Variants in NT5M observed in about 807,000 individuals in gnomAD.
NT5M encodes 5'(3')-deoxyribonucleotidase, mitochondrial.
Under a neutral mutation model 22.2 loss-of-function variants are expected in NT5M, and 22 were observed. The ratio of observed to expected loss-of-function variants is 0.99; its 90% CI spans 0.71 to 1.41. The LOEUF is 1.41. NT5M is among the 40% of genes most tolerant of loss of function. The pLI is 0.00. For missense variants in NT5M, 322 were observed against 314.8 expected (o/e 1.02, Z -0.17); for synonymous variants, 167 against 133.0 (o/e 1.26, Z -1.76).
intron 3 of NT5M, among the ~76,000 whole-genome samples, chr17:17,337,677 A>G (rs1176821154): frequency 1.3e-5 from 2 of 152,214 alleles, no homozygotes. Context: ...GGTGTGAGCC[A>G]TCACACGCAG....
At chr17:17,320,788 C>T (rs1222017309) in intron 2 of NT5M, among the ~76,000 whole-genome samples, 1 of 152,050 alleles carries the variant, frequency 6.6e-6, no homozygotes, top group Non-Finnish European at 1.5e-5. Context: ...GGGTGGCTGG[C>T]GAGGATCAGG....
intron 3 of NT5M, among the ~76,000 whole-genome samples, chr17:17,324,028 C>T (rs558278875): frequency 2.6e-5 from 4 of 152,154 alleles, no homozygotes; most frequent in East Asian, 3.9e-4. Context: ...CCTACCACCA[C>T]ATCCAGGTAA....
At chr17:17,332,059 T>C (rs137881500) in intron 3 of NT5M, among the ~76,000 whole-genome samples, 105 of 148,632 alleles carry the variant, frequency 7.1e-4, no homozygotes, top group African/African-American at 2.7e-3. Flanking sequence ...GGATTACAGG[T>C]GTGAGCCACC....
chr17:17,346,220 C>A, intron 4 of NT5M, among the ~76,000 whole-genome samples: 1 of 142,778 alleles, frequency 7.0e-6, no homozygotes, highest in African/African-American at 2.5e-5. Context: ...ACCTTGAGGG[C>A]CCAAAGGCTG....
At position 17,306,655 on chromosome 17, in the gene NT5M, C is replaced by T. The variant is rs760759423; in HGVS notation, c.368+12C>T. On this transcript the variant is annotated intron_variant, in intron 2 of 4. Coordinates refer to ENST00000389022, the MANE Select transcript of NT5M (RefSeq NM_020201.4). ...GCCAGCCTACAAAAGTAAGTTTGTCCTCCCAGCCACTCAGTAAGTTTGTCT... is the reference window on the plus strand; with the variant it reads ...GCCAGCCTACAAAAGTAAGTTTGTCTTCCCAGCCACTCAGTAAGTTTGTCT... The T allele has an allele frequency of 6.4e-7, 1 of 1,573,618 alleles. No homozygotes were observed. The highest frequency in any genetic ancestry group is 1.1e-5 in the South Asian group (1 of 90,292).
chr17:17,338,155 T>A (rs1299691474), intron 3 of NT5M, among the ~76,000 whole-genome samples: 3 of 152,134 alleles, frequency 2.0e-5, no homozygotes, highest in Non-Finnish European at 4.4e-5. Context: ...CAAAAATGAG[T>A]TCAAGGTAGA....
In NT5M at chr17:17,327,230, G is replaced by A. The variant is rs1402814854; in HGVS notation, c.429+3985G>A. Among the ~76,000 whole-genome samples the A allele has an allele frequency of 3.9e-5, 4 of 103,736 alleles. 2 individuals carry two copies. Among genetic ancestry groups the A allele is most frequent in the African/African-American group, 1.3e-4 (4 of 29,916 alleles). 68.1% of individuals were successfully genotyped at this position (103,736 alleles called of 152,430 possible). ...CCCAGCCCTCGTTTTTCTTTGATGC[G>A]TATTAAATATAATACATGTATTTTA... On this transcript the variant is annotated intron_variant, in intron 3 of 4. Coordinates refer to ENST00000389022, the MANE Select transcript of NT5M (RefSeq NM_020201.4).
chr17:17,309,807 A>G (rs2048886706), intron 2 of NT5M, among the ~76,000 whole-genome samples: 1 of 151,878 alleles, frequency 6.6e-6, no homozygotes, highest in Non-Finnish European at 1.5e-5. Flanking sequence ...GACTACGCCA[A>G]AAGTAAAAAC....
At chr17:17,316,960 C>T (rs141392762) in intron 2 of NT5M, among the ~76,000 whole-genome samples, 4,382 of 151,656 alleles carry the variant, frequency 0.029, 190 homozygotes, top group African/African-American at 0.093. Context: ...ATGATCCACC[C>T]GCCTCGGCCT....
intron 3 of NT5M, among the ~76,000 whole-genome samples, chr17:17,333,155 C>T (rs1000787375): frequency 1.3e-5 from 2 of 152,070 alleles, no homozygotes; most frequent in South Asian, 2.1e-4. Flanking sequence ...TTTTCTGTAA[C>T]GAAATGTTCA....
intron 2 of NT5M, among the ~76,000 whole-genome samples, chr17:17,320,990 G>A (rs2049139394): frequency 6.6e-6 from 1 of 152,088 alleles, no homozygotes. Context: ...TGAAGCAGGA[G>A]CAGGAGGCGA....
chr17:17,331,442 A>G (rs1023216068), intron 3 of NT5M, among the ~76,000 whole-genome samples: 5 of 151,772 alleles, frequency 3.3e-5, no homozygotes, highest in Admixed American at 3.3e-4. Context: ...GGTAAATTTT[A>G]TGATATGTGA....
In NT5M at chr17:17,303,908, G is replaced by A. The variant is rs371402710; in HGVS notation, c.267+91G>A. 5.6e-4 allele frequency: 740 copies of A among 1,311,858 alleles called. 4 individuals carry two copies. The African/African-American group carries it at 0.011, about 19-fold the overall frequency. 81.3% of individuals were successfully genotyped at this position (1,311,858 alleles called of 1,614,324 possible). A position where few individuals can be genotyped will look rare whatever the true frequency, so the allele number is the denominator to read the frequency against. Reference sequence around the variant, plus strand: ...GCGCCGGTGACCTTGGACGGTCAGCGCCCCAGCCTCGGGGTGGCCCTCTGA... The same window carrying A: ...GCGCCGGTGACCTTGGACGGTCAGCACCCCAGCCTCGGGGTGGCCCTCTGA... On this transcript the variant is annotated intron_variant, in intron 1 of 4. Coordinates refer to ENST00000389022, the MANE Select transcript of NT5M (RefSeq NM_020201.4).
intron 3 of NT5M, among the ~76,000 whole-genome samples, chr17:17,331,025 A>G (rs1262261731): frequency 6.6e-6 from 1 of 151,694 alleles, no homozygotes; most frequent in Non-Finnish European, 1.5e-5. Flanking sequence ...TACAGGCGTG[A>G]GCCACTGGAC....
intron 2 of NT5M, among the ~76,000 whole-genome samples, chr17:17,320,508 T>C (rs1390010078): frequency 6.6e-6 from 1 of 152,186 alleles, no homozygotes; most frequent in Non-Finnish European, 1.5e-5. Context: ...GAGCTCTGTC[T>C]TTATCATCTC....
intron 3 of NT5M, among the ~76,000 whole-genome samples, chr17:17,338,595 G>T: frequency 6.8e-6 from 1 of 147,834 alleles, no homozygotes; most frequent in Non-Finnish European, 1.5e-5. Context: ...GTCAGATAAT[G>T]TGATTTTTCC....
At chr17:17,324,247 G>A (rs1161866688) in intron 3 of NT5M, among the ~76,000 whole-genome samples, 1 of 151,288 alleles carries the variant, frequency 6.6e-6, no homozygotes, top group Non-Finnish European at 1.5e-5. Context: ...ACTCTGGGAG[G>A]CCGATGCAGG....
chr17:17,343,500 T>C (rs1264309868), intron 3 of NT5M, among the ~76,000 whole-genome samples: 1 of 152,186 alleles, frequency 6.6e-6, no homozygotes, highest in Non-Finnish European at 1.5e-5. Flanking sequence ...CAGAGGGTCA[T>C]GTGGTGTCTG....
chr17:17,334,676 A>G (rs942322197), intron 3 of NT5M, among the ~76,000 whole-genome samples: 2 of 151,362 alleles, frequency 1.3e-5, no homozygotes, highest in Non-Finnish European at 3.0e-5. Context: ...GGGTTTCACC[A>G]TGTTGGCCAG....
Sources: gnomAD v4.1 joint callset for allele counts (sites outside exome capture counted in the v4.1 genomes callset) on GRCh38, gnomAD v4.1.1 for gene constraint, MANE v1.5 for transcripts, NCBI Gene and HGNC (gene_info 2026-07-23, HGNC 2026-07-21) for gene names.